The following FKBP5 variants were observed in gnomAD, a reference collection of about 807,000 sequenced individuals.
FKBP5 encodes the protein FKBP prolyl isomerase 5.
Under a neutral mutation model 50.5 loss-of-function variants are expected in FKBP5, and 23 were observed. The observed-to-expected ratio is 0.46, with a 90% CI of 0.33 to 0.65. The LOEUF (loss-of-function observed/expected upper bound fraction) is 0.65, where lower values mean the gene tolerates loss of function less well. FKBP5 is among the 30% of genes least tolerant of loss of function. FKBP5 has a pLI of 0.02. For missense variants in FKBP5, 411 were observed against 553.1 expected (o/e 0.74, Z 2.58); for synonymous variants, 176 against 190.6 (o/e 0.92, Z 0.63).
At chr6:35,632,224 A>G (rs1262067963) in intron 3 of FKBP5, among the ~76,000 whole-genome samples, 1 of 152,214 alleles carries the variant, frequency 6.6e-6, no homozygotes, top group Non-Finnish European at 1.5e-5. Flanking sequence ...TTTCTGTAAC[A>G]TATTCCACAG....
At chr6:35,667,301 G>A (rs1179674160) in intron 1 of FKBP5, among the ~76,000 whole-genome samples, 2 of 152,110 alleles carry the variant, frequency 1.3e-5, no homozygotes, top group Admixed American at 6.5e-5. Context: ...GAACAAGAAA[G>A]ACCTAGTCCC....
chr6:35,640,365 A>ACTT (rs1764448902), intron 2 of FKBP5, among the ~76,000 whole-genome samples: 1 of 152,198 alleles, frequency 6.6e-6, no homozygotes, highest in Non-Finnish European at 1.5e-5. Context: ...TCAACATAGA[A>ACTT]AAAGGTACAG....
intron 7 of FKBP5, 90 bp from the exon 8 acceptor site, chr6:35,587,207 G>A: frequency 4.3e-6 from 5 of 1,175,682 alleles, no homozygotes; most frequent in Non-Finnish European, 6.3e-6. Flanking sequence ...AATTCTAGAA[G>A]ATACTCCAAA....
In FKBP5 at chr6:35,619,244, A is replaced by G. The variant is rs1160949611; in HGVS notation, c.394-34T>C. ...AAAAAAGGAATTCAGCTGAGAAAAGACCAAATAAAGCCAACTGAACATATG... is the reference window on the plus strand; with the variant it reads ...AAAAAAGGAATTCAGCTGAGAAAAGGCCAAATAAAGCCAACTGAACATATG... On this transcript the variant is annotated intron_variant, in intron 4 of 10. Coordinates refer to ENST00000357266, the MANE Select transcript of FKBP5 (RefSeq NM_004117.4). The G allele has an allele frequency of 2.7e-6, 4 of 1,471,992 alleles. No individual in the cohort carries two copies. In the South Asian group the frequency reaches 4.6e-5, roughly 17 times the overall value. The allele number at this position is 1,471,992 out of a possible 1,614,324, so 91.2% of individuals were successfully genotyped here. A position where few individuals can be genotyped will look rare whatever the true frequency, so the allele number is the denominator to read the frequency against.
intron 3 of FKBP5, among the ~76,000 whole-genome samples, chr6:35,627,433 C>T (rs776790533): frequency 6.6e-6 from 1 of 152,126 alleles, no homozygotes; most frequent in Non-Finnish European, 1.5e-5. Context: ...ATGGCCACTG[C>T]AACTGGTCCT....
At chr6:35,681,497 T>A (rs1236543115) in intron 1 of FKBP5, among the ~76,000 whole-genome samples, 1 of 152,206 alleles carries the variant, frequency 6.6e-6, no homozygotes, top group Admixed American at 6.5e-5. Flanking sequence ...TGCCTGTTCT[T>A]GTATTTTTCA....
chr6:35,677,395 G>C (rs944842837), intron 1 of FKBP5, among the ~76,000 whole-genome samples: 25 of 152,172 alleles, frequency 1.6e-4, no homozygotes, highest in African/African-American at 5.8e-4. Flanking sequence ...ATTTTTAAAG[G>C]GAACTATCTT....
At chr6:35,614,756 A>G (rs574504873) in intron 5 of FKBP5, among the ~76,000 whole-genome samples, 1 of 152,262 alleles carries the variant, frequency 6.6e-6, no homozygotes, top group African/African-American at 2.4e-5. Flanking sequence ...AAATGAGCAA[A>G]GGGCAAATAA....
chr6:35,693,264 A>G (rs965901916), upstream of FKBP5, among the ~76,000 whole-genome samples: 3 of 143,166 alleles, frequency 2.1e-5, no homozygotes, highest in African/African-American at 5.2e-5. Flanking sequence ...CCAGGTTCAC[A>G]CCATTCTCCT....
chr6:35,623,103 G>C (rs1055199005), intron 3 of FKBP5, among the ~76,000 whole-genome samples: 2 of 152,174 alleles, frequency 1.3e-5, no homozygotes, highest in Non-Finnish European at 2.9e-5. Context: ...TTAGCCAGGC[G>C]TGGTGGCTAG....
intron 1 of FKBP5, among the ~76,000 whole-genome samples, chr6:35,652,260 TTTG>T (rs1266745349): frequency 1.4e-3 from 209 of 152,318 alleles, no homozygotes; most frequent in African/African-American, 4.9e-3. Flanking sequence ...AGCATGTGTG[TTTG>T]AGCAATATGA....
At position 35,577,083 on chromosome 6, in the gene FKBP5, T is replaced by C. The variant is rs777543188; in HGVS notation, c.1177A>G (p.Met393Val). 2 of 1,614,144 alleles carry C rather than the reference T, an allele frequency of 1.2e-6. No homozygotes were observed. Among genetic ancestry groups the C allele is most frequent in the Non-Finnish European group, 1.7e-6 (2 of 1,180,002 alleles). Residue 393 changes from methionine (M) to valine (V), a missense_variant, in exon 10 of 11, where the codon ATG becomes GTG. Physicochemically the swap from Met to Val is conservative, Grantham distance 21. Transcript: ENST00000357266. Reference sequence around the variant, plus strand: ...TGCTCCTTGGCCTTTTTCTGGCACATGGAGATCTGCAGTCTTGCAGCCTTA... The same window carrying C: ...TGCTCCTTGGCCTTTTTCTGGCACACGGAGATCTGCAGTCTTGCAGCCTTA... ...QNKAARLQIS[M>V]CQKKAKEHNE...
At chr6:35,598,504 T>C (rs1321165881) in intron 5 of FKBP5, among the ~76,000 whole-genome samples, 1 of 152,086 alleles carries the variant, frequency 6.6e-6, no homozygotes, top group Non-Finnish European at 1.5e-5. Context: ...ATTACAGGTA[T>C]GCGCCACCAG....
intron 1 of FKBP5, among the ~76,000 whole-genome samples, chr6:35,685,752 C>A (rs1415698758): frequency 6.6e-6 from 1 of 151,978 alleles, no homozygotes; most frequent in Non-Finnish European, 1.5e-5. Context: ...GAGGCTGAGG[C>A]GGGTGGATCA....
chr6:35,683,629 C>G (rs1765742281), intron 1 of FKBP5, among the ~76,000 whole-genome samples: 1 of 134,376 alleles, frequency 7.4e-6, no homozygotes, highest in Admixed American at 7.7e-5. Flanking sequence ...CCATGACTGG[C>G]TAATTTTTTT....
chr6:35,688,978 G>A (rs537414337), upstream of FKBP5: 4 of 151,670 alleles, frequency 2.6e-5, no homozygotes, highest in African/African-American at 9.7e-5. Flanking sequence ...CGCCCCAGCC[G>A]GCCGCAGGAC....
At chr6:35,626,486 G>C (rs542722221) in intron 3 of FKBP5, among the ~76,000 whole-genome samples, 3 of 152,090 alleles carry the variant, frequency 2.0e-5, no homozygotes, top group South Asian at 4.2e-4. Flanking sequence ...TAAAAAAAAC[G>C]CTTAATTGTG....
chr6:35,689,123 T>G (rs1765931194), upstream of FKBP5, among the ~76,000 whole-genome samples: 1 of 151,936 alleles, frequency 6.6e-6, no homozygotes, highest in Non-Finnish European at 1.5e-5. Context: ...CTCCTCCACC[T>G]CCCCACGCCA....
intron 2 of FKBP5, among the ~76,000 whole-genome samples, chr6:35,700,199 C>T (rs1406420018): frequency 1.3e-5 from 2 of 152,146 alleles, no homozygotes; most frequent in East Asian, 1.9e-4. Context: ...CTCGCTCTGT[C>T]GTCCAGGCTG....
Sources: allele counts gnomAD v4.1 joint callset (sites outside exome capture counted in the v4.1 genomes callset), GRCh38; gene constraint gnomAD v4.1.1; transcripts MANE v1.5; gene names NCBI Gene and HGNC (gene_info 2026-07-23, HGNC 2026-07-21).